Variants in GPC5 observed in about 807,000 individuals in gnomAD.
GPC5 encodes the protein glypican 5, also known as glypican-5.
Under a neutral mutation model 53.9 loss-of-function variants are expected in GPC5, and 47 were observed. That is an observed-to-expected ratio of 0.87 (90% CI 0.69 to 1.11). GPC5 has a LOEUF of 1.11. Among genes scored for constraint, GPC5 ranks in the 50% most tolerant of loss-of-function variants. GPC5 has a pLI of 0.00. For missense variants in GPC5, 748 were observed against 713.1 expected (o/e 1.05, Z -0.56); for synonymous variants, 286 against 263.3 (o/e 1.09, Z -0.84).
chr13:91,693,945 T>C (rs1046434576), intron 3 of GPC5, 64 bp downstream of exon 3: 4 of 1,230,682 alleles, frequency 3.3e-6, no homozygotes, highest in Non-Finnish European at 4.6e-6. Context: ...CATGATATAC[T>C]TTAGGAAATA....
chr13:91,752,461 A>C (rs941679560), intron 4 of GPC5, among the ~76,000 whole-genome samples: 1 of 152,224 alleles, frequency 6.6e-6, no homozygotes, highest in Non-Finnish European at 1.5e-5. Context: ...TGGTGGTGGC[A>C]GGAGGTGATA....
intron 7 of GPC5, among the ~76,000 whole-genome samples, chr13:92,723,169 A>C (rs1888549264): frequency 6.6e-6 from 1 of 151,740 alleles, no homozygotes; most frequent in African/African-American, 2.4e-5. Flanking sequence ...ATATAGCTAT[A>C]TGAAACATCC....
At chr13:91,807,739 A>T (rs1435480418) in intron 5 of GPC5, among the ~76,000 whole-genome samples, 1 of 152,206 alleles carries the variant, frequency 6.6e-6, no homozygotes, top group Non-Finnish European at 1.5e-5. Context: ...AACAAAATAG[A>T]CATGGGTGTA....
intron 6 of GPC5, among the ~76,000 whole-genome samples, chr13:92,033,477 T>A (rs1364986600): frequency 6.6e-6 from 1 of 152,226 alleles, no homozygotes; most frequent in African/African-American, 2.4e-5. Context: ...AATGGATACA[T>A]TAGTTACATT....
intron 3 of GPC5, among the ~76,000 whole-genome samples, chr13:91,717,805 T>G (rs1474244827): frequency 2.8e-4 from 42 of 152,022 alleles, no homozygotes; most frequent in Non-Finnish European, 1.5e-5. Flanking sequence ...TCTGCCCACC[T>G]CGGCTTCCCA....
chr13:91,495,369 A>G (rs182634860), intron 2 of GPC5, among the ~76,000 whole-genome samples: 2 of 152,290 alleles, frequency 1.3e-5, no homozygotes, highest in Admixed American at 1.3e-4. Context: ...ATCTTGAGGA[A>G]GCATCAAGCC....
At chr13:91,543,814 A>G (rs990453965) in intron 2 of GPC5, among the ~76,000 whole-genome samples, 2 of 152,174 alleles carry the variant, frequency 1.3e-5, no homozygotes, top group African/African-American at 2.4e-5. Flanking sequence ...TTGGCAAATT[A>G]TTTTACTATA....
At chr13:92,387,873 A>T (rs1025961979) in intron 7 of GPC5, among the ~76,000 whole-genome samples, 3 of 152,142 alleles carry the variant, frequency 2.0e-5, no homozygotes, top group Admixed American at 6.6e-5. Flanking sequence ...CGTGTAAGGC[A>T]TGTGAAATAG....
At chr13:92,218,681 T>C (rs2042428096) in intron 7 of GPC5, among the ~76,000 whole-genome samples, 1 of 152,196 alleles carries the variant, frequency 6.6e-6, no homozygotes, top group South Asian at 2.1e-4. Context: ...TAAGTTTCTC[T>C]AATAAAAATC....
intron 7 of GPC5, among the ~76,000 whole-genome samples, chr13:92,494,055 T>G (rs529858001): frequency 3.8e-4 from 39 of 102,238 alleles, no homozygotes; most frequent in African/African-American, 1.3e-3. Context: ...TTACTTTGTG[T>G]TTTTTTTTGT....
At chr13:92,299,112 T>C (rs2043058392) in intron 7 of GPC5, among the ~76,000 whole-genome samples, 1 of 152,168 alleles carries the variant, frequency 6.6e-6, no homozygotes, top group African/African-American at 2.4e-5. Context: ...AGAGTGCCTT[T>C]AAGGGAAATG....
intron 2 of GPC5, among the ~76,000 whole-genome samples, chr13:91,588,081 A>C (rs2032664133): frequency 6.6e-6 from 1 of 152,140 alleles, no homozygotes; most frequent in Non-Finnish European, 1.5e-5. Flanking sequence ...TGTATTTGAA[A>C]GGCTAAATTG....
intron 2 of GPC5, among the ~76,000 whole-genome samples, chr13:91,499,003 G>C (rs901568065): frequency 6.6e-6 from 1 of 151,990 alleles, no homozygotes; most frequent in Non-Finnish European, 1.5e-5. Context: ...AGCTGCTGCA[G>C]TCATTCAGGT....
intron 7 of GPC5, among the ~76,000 whole-genome samples, chr13:92,735,696 A>G (rs991010197): frequency 2.0e-5 from 3 of 152,016 alleles, no homozygotes; most frequent in Non-Finnish European, 4.4e-5. Context: ...TTAAAATCCA[A>G]TTTCTGACAT....
intron 7 of GPC5, among the ~76,000 whole-genome samples, chr13:92,613,334 TA>T (rs1270503329): frequency 0.011 from 1,109 of 105,102 alleles, 26 homozygotes; most frequent in South Asian, 0.051. Context: ...TTATATAATA[TA>T]ATATATTTAT....
chr13:92,691,575 C>A (rs2139234824), intron 7 of GPC5, among the ~76,000 whole-genome samples: 1 of 152,224 alleles, frequency 6.6e-6, no homozygotes, highest in East Asian at 1.9e-4. Context: ...CCTATTCGGC[C>A]ATCTTGGCTC....
intron 6 of GPC5, among the ~76,000 whole-genome samples, chr13:91,925,577 T>C (rs553359339): frequency 3.8e-4 from 58 of 152,258 alleles, no homozygotes; most frequent in Non-Finnish European, 6.8e-4. Context: ...ATTTCAGTTA[T>C]GAACTAGTCT....
intron 7 of GPC5, among the ~76,000 whole-genome samples, chr13:92,279,134 A>G (rs1684601430): frequency 6.6e-6 from 1 of 152,086 alleles, no homozygotes; most frequent in Admixed American, 6.5e-5. Context: ...ATTAACAATA[A>G]TAAGTATTTT....
intron 5 of GPC5, among the ~76,000 whole-genome samples, chr13:91,858,230 A>G (rs540165998): frequency 7.2e-5 from 11 of 152,026 alleles, no homozygotes; most frequent in South Asian, 4.1e-4. Flanking sequence ...GAAAGTGGGC[A>G]TCCTTTTCTA....
Sources: gnomAD v4.1 joint callset for allele counts (sites outside exome capture counted in the v4.1 genomes callset) on GRCh38, gnomAD v4.1.1 for gene constraint, MANE v1.5 for transcripts, NCBI Gene and HGNC (gene_info 2026-07-23, HGNC 2026-07-21) for gene names.